Variants in MAOB observed in about 807,000 individuals in gnomAD.
MAOB encodes the protein amine oxidase [flavin-containing] B.
Under a neutral mutation model 41.9 loss-of-function variants are expected in MAOB, and 15 were observed. The ratio of observed to expected loss-of-function variants is 0.36; its 90% confidence interval spans 0.24 to 0.55. The LOEUF is 0.55. Ranked by LOEUF, MAOB falls within the 20% of genes least tolerant of loss-of-function variation. The pLI, the probability that MAOB is intolerant of heterozygous loss-of-function variation, is 0.86. For synonymous variants in MAOB, 167 were observed against 144.2 expected, an observed-to-expected ratio of 1.16 and a Z score of -1.13; for missense variants, 345 against 398.7, an observed-to-expected ratio of 0.87 and a Z score of 1.15.
intron 3 of MAOB, among the ~76,000 whole-genome samples, chrX:43,803,669 CA>C (rs1239840899): frequency 1.8e-5 from 2 of 111,903 alleles, no homozygotes; most frequent in Non-Finnish European, 3.8e-5. Flanking sequence ...CTTTACCATA[CA>C]AAATGTAAAT....
rs1309323308 is a variant in MAOB at position 43,808,681 on chromosome X, T to C, written c.280-5277A>G. Among the ~76,000 whole-genome samples the C allele has an allele frequency of 1.6e-4, 16 of 98,578 alleles. 1 individual carries two copies. In the South Asian group the frequency reaches 3.7e-3, roughly 23 times the overall value. 85.6% of individuals were successfully genotyped at this position (98,578 alleles called of 115,157 possible). A position where few individuals can be genotyped will look rare whatever the true frequency, so the allele number is the denominator to read the frequency against. ...ATATCTATATCTATATCTATATCTA[T>C]ATCTATATCTACACATAGACACACA... On this transcript the variant is annotated intron_variant, in intron 3 of 14. Coordinates refer to ENST00000378069, the MANE Select transcript of MAOB (RefSeq NM_000898.5).
chrX:43,808,326 G>T (rs771342585), intron 3 of MAOB, among the ~76,000 whole-genome samples: 4 of 111,942 alleles, frequency 3.6e-5, no homozygotes, highest in South Asian at 7.4e-4. Flanking sequence ...AAATTATTTA[G>T]GTTTTTTTGT....
At chrX:43,780,207 T>C (rs1054378145) in intron 10 of MAOB, 135 bp downstream of exon 10, 2 of 498,676 alleles carry the variant, frequency 4.0e-6, no homozygotes, top group African/African-American at 4.9e-5. Context: ...AGGCAGTCCG[T>C]AAGTTAAAAA....
chrX:43,778,682 C>A lies in MAOB; in HGVS notation c.1137G>T (p.Glu379Asp). Residue 379 changes from glutamate to aspartate, a missense_variant and splice_region_variant, in exon 11 of 15, where the codon GAG (glutamate) becomes GAT (aspartate). By Grantham distance (45) the Glu-to-Asp change is conservative (BLOSUM62 2). Coordinates refer to ENST00000378069, the MANE Select transcript of MAOB (RefSeq NM_000898.5). The stretch of plus-strand genomic sequence containing the variant: ...GTATAGGGTTGGGAAGCAGCCTTAC[C>A]TCCAGAGCTTCTAGGGAACCCAGAA... The part of the protein sequence containing the change: ...AKVLGSLEAL[E>D]PVHYEEKNWC... The A allele has an allele frequency of 8.3e-7, 1 of 1,206,403 alleles. No homozygotes were observed. Among genetic ancestry groups the A allele is most frequent in the Non-Finnish European group, 1.1e-6 (1 of 891,803 alleles).
chrX:43,825,189 G>A (rs946856449), intron 3 of MAOB, among the ~76,000 whole-genome samples: 6 of 111,388 alleles, frequency 5.4e-5, no homozygotes, highest in African/African-American at 2.0e-4. Context: ...AAATCTACAG[G>A]TGAGAGTTTT....
chrX:43,837,478 G>A (rs779532565), intron 3 of MAOB, among the ~76,000 whole-genome samples: 6 of 112,384 alleles, frequency 5.3e-5, no homozygotes, highest in African/African-American at 9.7e-5. Flanking sequence ...GATTACAGGC[G>A]TGAGCCACTG....
chrX:43,841,751 C>T (rs1389587812), intron 2 of MAOB, among the ~76,000 whole-genome samples: 1 of 111,617 alleles, frequency 9.0e-6, no homozygotes, highest in Non-Finnish European at 1.9e-5. Context: ...CAAAAATAAA[C>T]CCACACATTT....
At chrX:43,854,760 A>G (rs1312951108) in intron 1 of MAOB, among the ~76,000 whole-genome samples, 2 of 111,876 alleles carry the variant, frequency 1.8e-5, no homozygotes, top group Non-Finnish European at 3.8e-5. Flanking sequence ...ACAGAGCAGT[A>G]AATAATAATG....
intron 3 of MAOB, among the ~76,000 whole-genome samples, chrX:43,819,048 T>C (rs2034851821): frequency 9.0e-6 from 1 of 111,464 alleles, no homozygotes; most frequent in Non-Finnish European, 1.9e-5. Context: ...CAGACACTCT[T>C]ACGCTTCTCT....
chrX:43,860,305 G>T (rs960971304), intron 1 of MAOB, among the ~76,000 whole-genome samples: 1 of 111,667 alleles, frequency 9.0e-6, no homozygotes, highest in Non-Finnish European at 1.9e-5. Flanking sequence ...CTTCCTCTAT[G>T]TAATAATCAT....
In MAOB at chrX:43,803,405, C is replaced by A; in HGVS notation, c.280-1G>T. 1 of 1,168,392 alleles carries A rather than the reference C, an allele frequency of 8.6e-7. No individual in the cohort carries two copies. The highest frequency in any genetic ancestry group is 2.1e-5 in the South Asian group (1 of 48,585). On this transcript the variant is annotated splice_acceptor_variant, in intron 3 of 14. Coordinates refer to ENST00000378069, the MANE Select transcript of MAOB (RefSeq NM_000898.5). LOFTEE classifies it high-confidence loss of function. ...GCCCCCTGAAGGGGTATGATTTGCC[C>A]TGTGAGATACAAGATATTTTTAAAA... is the stretch of plus-strand genomic sequence containing the variant.
chrX:43,851,367 G>C (rs753621006), intron 1 of MAOB, among the ~76,000 whole-genome samples: 40 of 110,921 alleles, frequency 3.6e-4, no homozygotes, highest in Admixed American at 1.6e-3. Flanking sequence ...TACATAGTAG[G>C]TGGATGTACT....
At chrX:43,810,136 G>A (rs2034726323) in intron 3 of MAOB, among the ~76,000 whole-genome samples, 1 of 99,427 alleles carries the variant, frequency 1.0e-5, no homozygotes, top group South Asian at 4.6e-4. Context: ...CCAGCTACTC[G>A]GGAGGCTGAG....
chrX:43,845,544 G>A (rs758273121), intron 1 of MAOB, among the ~76,000 whole-genome samples: 38 of 111,930 alleles, frequency 3.4e-4, no homozygotes, highest in Non-Finnish European at 5.1e-4. Context: ...GACCAAGGTC[G>A]CATAAGGAGT....
chrX:43,830,934 G>T (rs1051493087), intron 3 of MAOB, among the ~76,000 whole-genome samples: 1 of 111,009 alleles, frequency 9.0e-6, no homozygotes, highest in African/African-American at 3.3e-5. Flanking sequence ...TTTCAACAGA[G>T]ATATCAAAAC....
At chrX:43,770,925 G>A (rs1569207917) in intron 12 of MAOB, among the ~76,000 whole-genome samples, 1 of 111,724 alleles carries the variant, frequency 9.0e-6, no homozygotes, top group Non-Finnish European at 1.9e-5. Context: ...GGAAAGCACC[G>A]TCAACATGCC....
At position 43,812,305 on chromosome X, in the gene MAOB, T is replaced by C. The variant is rs149756146; in HGVS notation, c.280-8901A>G. ...ATTGTGAACAGAGCTGCAACAAACATGGGAGTGCAGATACCTCTTTGATAT... is the reference window on the plus strand; with the variant it reads ...ATTGTGAACAGAGCTGCAACAAACACGGGAGTGCAGATACCTCTTTGATAT... On this transcript the variant is annotated intron_variant, in intron 3 of 14. Coordinates refer to ENST00000378069, the MANE Select transcript of MAOB (RefSeq NM_000898.5). Among the ~76,000 whole-genome samples, 233 of 112,586 alleles carry C rather than the reference T, an allele frequency of 2.1e-3. 1 individual carries two copies. Among genetic ancestry groups the C allele is most frequent in the Non-Finnish European group, 3.2e-3 (168 of 53,318 alleles).
intron 3 of MAOB, among the ~76,000 whole-genome samples, chrX:43,823,684 T>C (rs1210958864): frequency 1.8e-5 from 2 of 111,717 alleles, no homozygotes; most frequent in Non-Finnish European, 1.9e-5. Flanking sequence ...AATTCATGGC[T>C]TCTGTTACAT....
In MAOB at chrX:43,767,411, A is replaced by G; in HGVS notation, c.*55T>C. Reference sequence around the variant, plus strand: ...GAACTTTACTGCAACTCTTTCCCCAAACTCATATCCCAAATACAGTAAGAA... The same window carrying G: ...GAACTTTACTGCAACTCTTTCCCCAGACTCATATCCCAAATACAGTAAGAA... On this transcript the variant is annotated 3_prime_UTR_variant, in exon 15 of 15. Coordinates refer to ENST00000378069, the MANE Select transcript of MAOB (RefSeq NM_000898.5). 1 of 1,123,992 alleles carries G rather than the reference A, an allele frequency of 8.9e-7. No individual in the cohort carries two copies. The highest frequency in any genetic ancestry group is 1.2e-6 in the Non-Finnish European group (1 of 833,401). The allele number at this position is 1,123,992 out of a possible 1,213,427, so 92.6% of individuals were successfully genotyped here.
Sources: gnomAD v4.1 joint callset for allele counts (sites outside exome capture counted in the v4.1 genomes callset) on GRCh38, gnomAD v4.1.1 for gene constraint, MANE v1.5 for transcripts, NCBI Gene and HGNC (gene_info 2026-07-23, HGNC 2026-07-21) for gene names.